Variants in FAM76B observed in about 807,000 individuals in gnomAD.
The protein encoded by FAM76B is family with sequence similarity 76 member B, also known as protein FAM76B.
A neutral mutation model predicts 51.8 loss-of-function variants in FAM76B; 16 were observed. The observed-to-expected ratio is 0.31, with a 90% confidence interval of 0.21 to 0.47. The LOEUF (loss-of-function observed/expected upper bound fraction) is 0.47. FAM76B is among the 20% of genes least tolerant of loss of function. FAM76B has a pLI of 1.00. For synonymous variants in FAM76B, 166 were observed against 129.5 expected (o/e 1.28, Z -1.91); for missense variants, 342 against 392.6 (o/e 0.87, Z 1.09).
In FAM76B at chr11:95,769,086, C is replaced by G. The variant is rs960935137; in HGVS notation, c.*2475G>C. On this transcript the variant is annotated 3_prime_UTR_variant, in exon 10 of 10. Transcript: ENST00000358780. ...AGCTTAACAGGTTCACTGCAGAATGCATATTTAGACCAATATAATCTAAAA... is the reference window on the plus strand; with the variant it reads ...AGCTTAACAGGTTCACTGCAGAATGGATATTTAGACCAATATAATCTAAAA... 2.6e-5 allele frequency: 4 copies of G among 152,344 alleles called. No homozygotes were observed. Among genetic ancestry groups the G allele is most frequent in the Admixed American group, 6.6e-5 (1 of 15,218 alleles). The allele number at this position is 152,344 out of a possible 1,614,324, so 9.4% of individuals were successfully genotyped here.
At chr11:95,779,216 A>C in intron 7 of FAM76B, 2 of 1,271,712 alleles carry the variant, frequency 1.6e-6, no homozygotes, top group Non-Finnish European at 2.2e-6. Context: ...TTTGTACAGT[A>C]ACATCAGCAA....
chr11:95,788,761 CT>C, intron 1 of FAM76B, 198 bp from the exon 2 acceptor site: 1 of 1,399,948 alleles, frequency 7.1e-7, no homozygotes, highest in Non-Finnish European at 9.5e-7. Context: ...GTGTCTTTGT[CT>C]TTAGTAGACG....
rs527351384 is a variant in FAM76B at position 95,789,557 on chromosome 11, C to G, written c.-79G>C. ...GGAGAACCCGAGAGCCGCCGCCGCCCGGGCCGCGGGCTCCTCCTCCTCCCC... is the reference window on the plus strand; with the variant it reads ...GGAGAACCCGAGAGCCGCCGCCGCCGGGGCCGCGGGCTCCTCCTCCTCCCC... On this transcript the variant is annotated 5_prime_UTR_variant, in exon 1 of 10. Transcript: ENST00000358780. 163 of 1,320,776 alleles carry G rather than the reference C, an allele frequency of 1.2e-4. No individual in the cohort carries two copies. Among genetic ancestry groups the G allele is most frequent in the Non-Finnish European group, 1.6e-4 (154 of 963,376 alleles). 81.8% of individuals were successfully genotyped at this position (1,320,776 alleles called of 1,614,324 possible). A position where few individuals can be genotyped will look rare whatever the true frequency, so the allele number is the denominator to read the frequency against.
chr11:95,772,454 C>A (rs561823006), intron 9 of FAM76B, among the ~76,000 whole-genome samples: 1 of 151,156 alleles, frequency 6.6e-6, no homozygotes, highest in Non-Finnish European at 1.5e-5. Flanking sequence ...GCCTTTGTCA[C>A]CTTATTCAGT....
intron 4 of FAM76B, among the ~76,000 whole-genome samples, chr11:95,783,609 CTG>C (rs149645210): frequency 1.7e-3 from 263 of 152,276 alleles, no homozygotes; most frequent in African/African-American, 4.6e-3. Flanking sequence ...TCTTATATCG[CTG>C]TGTCATTACT....
Position 95,782,956 on chromosome 11 carries a change from C to A in FAM76B, c.563+109G>T, listed in dbSNP as rs1413837307. The A allele has an allele frequency of 5.0e-6, 7 of 1,391,066 alleles. No individual in the cohort carries two copies. The African/African-American group carries it at 8.6e-5, about 17-fold the overall frequency. 86.2% of individuals were successfully genotyped at this position (1,391,066 alleles called of 1,614,324 possible). A position where few individuals can be genotyped will look rare whatever the true frequency, so the allele number is the denominator to read the frequency against. Reference sequence around the variant, plus strand: ...AGACACTCAAGATGCTTACTGTGTACAATGGAAACTAGACTAGCACATAGT... The same window carrying A: ...AGACACTCAAGATGCTTACTGTGTAAAATGGAAACTAGACTAGCACATAGT... On this transcript the variant is annotated intron_variant, in intron 5 of 9. Coordinates refer to ENST00000358780, the MANE Select transcript of FAM76B (RefSeq NM_144664.5).
intron 1 of FAM76B, 171 bp downstream of exon 1, chr11:95,789,221 A>C (rs1860826285): frequency 1.0e-6 from 1 of 961,428 alleles, no homozygotes; most frequent in Non-Finnish European, 1.5e-6. Flanking sequence ...GTCCGTTCCC[A>C]GCTAATGTTC....
At position 95,769,543 on chromosome 11, in the gene FAM76B, G is replaced by A. The variant is rs996186418; in HGVS notation, c.*2018C>T. On this transcript the variant is annotated 3_prime_UTR_variant, in exon 10 of 10. Coordinates refer to ENST00000358780, the MANE Select transcript of FAM76B (RefSeq NM_144664.5). ...CTTTTTAATTTTGATGTTAGCTAAG[G>A]GGAAGGACGAGGACAACTTTCTTTT... is the stretch of plus-strand genomic sequence containing the variant. 3 of 151,980 alleles carry A rather than the reference G, an allele frequency of 2.0e-5. No individual in the cohort carries two copies. The highest frequency in any genetic ancestry group is 7.3e-5 in the African/African-American group (3 of 41,324). The allele number at this position is 151,980 out of a possible 1,614,324, so 9.4% of individuals were successfully genotyped here. A position where few individuals can be genotyped will look rare whatever the true frequency, so the allele number is the denominator to read the frequency against.
intron 9 of FAM76B, among the ~76,000 whole-genome samples, chr11:95,773,382 A>G (rs1859854798): frequency 6.7e-6 from 1 of 149,022 alleles, no homozygotes; most frequent in Admixed American, 6.8e-5. Flanking sequence ...TACTTTAAAA[A>G]TGAATTTTAT....
At position 95,769,491 on chromosome 11, in the gene FAM76B, T is replaced by G. The variant is rs943440414; in HGVS notation, c.*2070A>C. 6.6e-6 allele frequency: 1 copy of G among 152,164 alleles called. No individual in the cohort carries two copies. Among genetic ancestry groups the G allele is most frequent in the Non-Finnish European group, 1.5e-5 (1 of 67,740 alleles). The allele number at this position is 152,164 out of a possible 1,614,324, so 9.4% of individuals were successfully genotyped here. On this transcript the variant is annotated 3_prime_UTR_variant, in exon 10 of 10. Coordinates refer to ENST00000358780, the MANE Select transcript of FAM76B (RefSeq NM_144664.5). ...CACTAAAACTGAATTACCTTCCATT[T>G]TAATGTTAGCTAATATTAATATTCA...
At chr11:95,779,247 A>G in intron 7 of FAM76B, 1 of 852,928 alleles carries the variant, frequency 1.2e-6, no homozygotes, top group East Asian at 3.1e-5. Context: ...AATGAACTAA[A>G]ACAAAGTAAC....
chr11:95,789,036 G>C (rs944687659), intron 1 of FAM76B: 7 of 1,382,592 alleles, frequency 5.1e-6, no homozygotes, highest in African/African-American at 1.4e-5. Flanking sequence ...CCTGGTGGAA[G>C]AAGAGGACAG....
chr11:95,789,518 A>C lies in FAM76B; in HGVS notation c.-40T>G. 1 of 1,549,080 alleles carries C rather than the reference A, an allele frequency of 6.5e-7. No individual in the cohort carries two copies. Among genetic ancestry groups the C allele is most frequent in the Non-Finnish European group, 8.8e-7 (1 of 1,142,680 alleles). On this transcript the variant is annotated 5_prime_UTR_variant, in exon 1 of 10. Transcript: ENST00000358780. ...TCCTCCTCCGCCGCCGCCCGCTCCG[A>C]GGCGGGGCCCTACGGAGAACCCGAG...
At chr11:95,784,427 CT>C (rs1860439737) in intron 4 of FAM76B, among the ~76,000 whole-genome samples, 1 of 151,928 alleles carries the variant, frequency 6.6e-6, no homozygotes, top group South Asian at 2.1e-4. Context: ...ACATGTACCC[CT>C]GAACTTAAAA....
chr11:95,772,357 AC>A (rs1859804839), intron 9 of FAM76B, among the ~76,000 whole-genome samples: 2 of 151,254 alleles, frequency 1.3e-5, no homozygotes, highest in South Asian at 4.1e-4. Flanking sequence ...TCATCATCTG[AC>A]TTGAATTTCA....
intron 4 of FAM76B, among the ~76,000 whole-genome samples, chr11:95,785,231 T>C (rs1302444677): frequency 2.0e-5 from 3 of 152,222 alleles, no homozygotes; most frequent in Admixed American, 1.3e-4. Flanking sequence ...TAGGCACGTA[T>C]GTACAGGAGA....
At chr11:95,783,398 G>A (rs923840638) in intron 4 of FAM76B, 134 bp from the exon 5 acceptor site, 4 of 640,892 alleles carry the variant, frequency 6.2e-6, no homozygotes, top group East Asian at 2.8e-5. Flanking sequence ...ACATATTCAC[G>A]GATTTTCTGC....
rs1384810639 is a variant in FAM76B, at chr11:95,789,413, G to A, written c.66C>T (p.Ser22=). 4 of 1,606,680 alleles carry A rather than the reference G, an allele frequency of 2.5e-6. No homozygotes were observed. The highest frequency in any genetic ancestry group is 2.5e-6 in the Non-Finnish European group (3 of 1,176,796). The change falls in exon 1 of 10, where the codon TCC becomes TCT. Residue 22 remains serine, a synonymous_variant. Transcript: ENST00000358780. Reference sequence around the variant, plus strand: ...GGACCTTGCAGAGCTGCTGGCCCTGGGAGAGCTCCTCGAAAGGATAACGCT... The same window carrying A: ...GGACCTTGCAGAGCTGCTGGCCCTGAGAGAGCTCCTCGAAAGGATAACGCT... ...CTQRYPFEEL[S]QGQQLCKECR...
intron 4 of FAM76B, among the ~76,000 whole-genome samples, 179 bp downstream of exon 4, chr11:95,785,940 T>G (rs1215003970): frequency 7.2e-5 from 11 of 152,214 alleles, no homozygotes; most frequent in Admixed American, 7.2e-4. Context: ...GTATAGTACA[T>G]GAATCTATGT....
Sources: allele counts gnomAD v4.1 joint callset (sites outside exome capture counted in the v4.1 genomes callset), GRCh38; gene constraint gnomAD v4.1.1; transcripts MANE v1.5; gene names NCBI Gene and HGNC (gene_info 2026-07-23, HGNC 2026-07-21).